CSMD1: variants seen among roughly 807,000 people sequenced by gnomAD.
CSMD1 encodes CUB and sushi domain-containing protein 1.
Under a neutral mutation model 417.5 loss-of-function variants are expected in CSMD1, and 213 were observed. The observed-to-expected ratio is 0.51, with a 90% CI of 0.46 to 0.57. The LOEUF (loss-of-function observed/expected upper bound fraction) is 0.57, where lower values mean the gene tolerates loss of function less well. Among genes scored for constraint, CSMD1 ranks in the 20% least tolerant of loss-of-function variants. The pLI is 0.00. For missense variants in CSMD1, 6,923 were observed against 4,529.7 expected, an observed-to-expected ratio of 1.53 and a Z score of -15.17; for synonymous variants, 2,862 against 1,736.8, an observed-to-expected ratio of 1.65 and a Z score of -16.11.
At chr8:4,526,462 T>C (rs1430666157) in intron 2 of CSMD1, among the ~76,000 whole-genome samples, 1 of 152,218 alleles carries the variant, frequency 6.6e-6, no homozygotes, top group African/African-American at 2.4e-5. Flanking sequence ...TGCTAGATGA[T>C]TTTTTACATC....
chr8:4,068,007 G>A (rs781385292), intron 3 of CSMD1, among the ~76,000 whole-genome samples: 3 of 152,104 alleles, frequency 2.0e-5, no homozygotes, highest in East Asian at 1.9e-4. Flanking sequence ...AACCCTGAGT[G>A]GGGGCGAAGG....
intron 3 of CSMD1, among the ~76,000 whole-genome samples, chr8:4,231,646 G>A (rs970361441): frequency 1.3e-5 from 2 of 152,182 alleles, no homozygotes; most frequent in African/African-American, 4.8e-5. Flanking sequence ...TGCAGGCTCT[G>A]TCTGATAAGT....
chr8:3,532,864 T>G (rs1379065732), intron 10 of CSMD1, among the ~76,000 whole-genome samples: 1 of 152,140 alleles, frequency 6.6e-6, no homozygotes, highest in East Asian at 1.9e-4. Context: ...GAAAATATAA[T>G]TTCACACTGA....
chr8:3,505,037 G>T (rs557790757), intron 10 of CSMD1, among the ~76,000 whole-genome samples: 34 of 151,890 alleles, frequency 2.2e-4, no homozygotes, highest in African/African-American at 7.7e-4. Flanking sequence ...AAGTTTTGCT[G>T]CATAAGATGG....
intron 26 of CSMD1, among the ~76,000 whole-genome samples, chr8:3,241,676 T>A (rs1316372699): frequency 6.6e-6 from 1 of 152,176 alleles, no homozygotes; most frequent in African/African-American, 2.4e-5. Context: ...TTCTGGCACT[T>A]GTAGCAAGCT....
chr8:3,971,588 A>G (rs1813093109), intron 5 of CSMD1, among the ~76,000 whole-genome samples: 1 of 152,162 alleles, frequency 6.6e-6, no homozygotes, highest in Non-Finnish European at 1.5e-5. Flanking sequence ...ATTTTGTAGA[A>G]TATGTTCAGT....
intron 3 of CSMD1, among the ~76,000 whole-genome samples, chr8:4,192,644 G>A (rs1014485421): frequency 6.6e-6 from 1 of 152,204 alleles, no homozygotes; most frequent in Non-Finnish European, 1.5e-5. Flanking sequence ...TTTGCTCAGG[G>A]ATCAGAGTGA....
chr8:3,181,249 A>G lies in CSMD1; in HGVS notation c.5621-35T>C, dbSNP rs1296066970. 3.0e-6 allele frequency: 4 copies of G among 1,339,570 alleles called. 1 individual carries two copies. In the East Asian group the frequency reaches 6.9e-5, roughly 23 times the overall value. The allele number at this position is 1,339,570 out of a possible 1,614,324, so 83.0% of individuals were successfully genotyped here. On this transcript the variant is annotated intron_variant, in intron 36 of 69. Transcript: ENST00000635120. ...ACAATGCAGATAGAATTGTAACACT[A>G]CAAATACATTCACTTTTCTAAATAT...
chr8:4,539,955 C>G (rs998197028), intron 2 of CSMD1, among the ~76,000 whole-genome samples: 3 of 152,126 alleles, frequency 2.0e-5, no homozygotes, highest in African/African-American at 7.2e-5. Context: ...CAAACTCCGC[C>G]CCGTCCAGGT....
intron 1 of CSMD1, among the ~76,000 whole-genome samples, chr8:4,974,862 G>C (rs1441305107): frequency 1.3e-5 from 2 of 152,114 alleles, no homozygotes; most frequent in Non-Finnish European, 2.9e-5. Context: ...TTATAACTAT[G>C]TTGCAACTGT....
At chr8:3,854,528 G>A (rs1366014971) in intron 5 of CSMD1, among the ~76,000 whole-genome samples, 1 of 152,002 alleles carries the variant, frequency 6.6e-6, no homozygotes, top group East Asian at 1.9e-4. Flanking sequence ...TTAACTGCAC[G>A]GGTTATGGGC....
chr8:3,665,560 A>G (rs906243215), intron 7 of CSMD1, among the ~76,000 whole-genome samples: 2 of 152,158 alleles, frequency 1.3e-5, no homozygotes, highest in Non-Finnish European at 2.9e-5. Flanking sequence ...GAAAATAATT[A>G]GTATCTTGAT....
At chr8:4,002,814 T>C (rs558798302) in intron 4 of CSMD1, among the ~76,000 whole-genome samples, 19 of 152,276 alleles carry the variant, frequency 1.2e-4, no homozygotes, top group Non-Finnish European at 2.2e-4. Flanking sequence ...AACTTAAAAA[T>C]TCCCTCATAC....
chr8:4,976,399 A>C (rs1375699218), intron 1 of CSMD1, among the ~76,000 whole-genome samples: 1 of 152,250 alleles, frequency 6.6e-6, no homozygotes, highest in Non-Finnish European at 1.5e-5. Flanking sequence ...AAATTAATGA[A>C]GGCATTTTAA....
intron 3 of CSMD1, among the ~76,000 whole-genome samples, chr8:4,397,343 T>C (rs1804309764): frequency 6.6e-6 from 1 of 152,116 alleles, no homozygotes; most frequent in African/African-American, 2.4e-5. Context: ...AGATTATCTT[T>C]CCATGAAAGA....
At chr8:4,398,397 T>C (rs1257159460) in intron 3 of CSMD1, among the ~76,000 whole-genome samples, 4 of 142,966 alleles carry the variant, frequency 2.8e-5, no homozygotes, top group East Asian at 2.0e-4. Flanking sequence ...TCTTTTTTTT[T>C]TTTTTTTTTT....
rs78695520 is a variant in CSMD1 at position 3,822,089 on chromosome 8, T to A, written c.819-68047A>T. ...GCTGTTAACTCTTCCTGAAATGTCC[T>A]ATGTTTTGTCTCCGATTTTTCTGGA... On this transcript the variant is annotated intron_variant, in intron 5 of 69. Transcript: ENST00000635120. 9.3e-4 allele frequency among the ~76,000 whole-genome samples: 142 copies of A among 152,274 alleles called. 1 individual carries two copies. The highest frequency in any genetic ancestry group is 3.3e-3 in the African/African-American group (139 of 41,558).
chr8:3,461,639 A>G (rs1816512135), intron 12 of CSMD1, among the ~76,000 whole-genome samples: 1 of 152,218 alleles, frequency 6.6e-6, no homozygotes. Flanking sequence ...GTGGCCCAGC[A>G]TCTTCCAGAT....
chr8:3,181,063 G>T (rs1821290581), intron 37 of CSMD1, 47 bp downstream of exon 37: 4 of 1,134,830 alleles, frequency 3.5e-6, no homozygotes, highest in African/African-American at 3.1e-5. Context: ...TTAAAAAAAT[G>T]ACTCAGTATA....
Sources: allele counts gnomAD v4.1 joint callset (sites outside exome capture counted in the v4.1 genomes callset), GRCh38; gene constraint gnomAD v4.1.1; transcripts MANE v1.5; gene names NCBI Gene and HGNC (gene_info 2026-07-23, HGNC 2026-07-21).